The following RGS6 variants were observed in gnomAD, a reference collection of about 807,000 sequenced individuals.
The protein encoded by RGS6 is regulator of G-protein signaling 6.
RGS6 carries 30 observed loss-of-function variants against 78.5 expected under a neutral mutation model. The observed-to-expected ratio is 0.38, with a 90% CI of 0.29 to 0.52. RGS6 has a LOEUF of 0.52. RGS6 is among the 20% of genes least tolerant of loss of function. The probability of loss-of-function intolerance (pLI) is 0.85; values close to 1 mark genes in which losing one functional copy is unlikely to be tolerated. For missense variants in RGS6, 495 were observed against 609.7 expected (o/e 0.81, Z 1.98); for synonymous variants, 206 against 206.0 (o/e 1.00, Z 0.00).
At chr14:72,431,446 A>G (rs2094630787) in intron 3 of RGS6, among the ~76,000 whole-genome samples, 1 of 152,060 alleles carries the variant, frequency 6.6e-6, no homozygotes, top group South Asian at 2.1e-4. Flanking sequence ...TCTGCCTCCT[A>G]TATTCAAGTG....
intron 2 of RGS6, among the ~76,000 whole-genome samples, chr14:72,012,555 G>C (rs556740463): frequency 1.3e-5 from 2 of 152,176 alleles, no homozygotes; most frequent in Non-Finnish European, 2.9e-5. Context: ...CCACTTCTCT[G>C]CTTGCTGTTA....
chr14:72,550,705 TGGTTTTACACCTGATGGA>T lies in RGS6; in HGVS notation c.1422+10635_1422+10652del, dbSNP rs527809835. The T allele has an allele frequency of 1.1e-3, 1,553 of 1,403,808 alleles. 1 individual carries two copies. The highest frequency in any genetic ancestry group is 1.9e-3 in the African/African-American group (135 of 69,744). 87.0% of individuals were successfully genotyped at this position (1,403,808 alleles called of 1,614,324 possible). A position where few individuals can be genotyped will look rare whatever the true frequency, so the allele number is the denominator to read the frequency against. The stretch of plus-strand genomic sequence containing the variant: ...GCCTTTGTGAGTCATCACAATCCGG[TGGTTTTACACCTGATGGA>T]GGTTTTACACCTGATGGAGGTTTCC... On this transcript the variant is annotated intron_variant, in intron 17 of 17. Coordinates refer to ENST00000553525, the MANE Select transcript of RGS6 (RefSeq NM_001204424.2).
the RGS6 span, among the ~76,000 whole-genome samples, chr14:71,872,153 C>A: frequency 1.4e-4 from 22 of 152,136 alleles, no homozygotes; most frequent in African/African-American, 5.1e-4. Context: ...CACAATACCA[C>A]CCCAACTCCT....
intron 3 of RGS6, among the ~76,000 whole-genome samples, chr14:72,376,657 G>A (rs930913069): frequency 2.4e-4 from 36 of 151,946 alleles, no homozygotes; most frequent in South Asian, 2.1e-4. Context: ...TGTAGGCCAG[G>A]AAAGAATAGA....
At chr14:72,385,531 G>A (rs990246794) in intron 3 of RGS6, among the ~76,000 whole-genome samples, 1 of 152,194 alleles carries the variant, frequency 6.6e-6, no homozygotes, top group African/African-American at 2.4e-5. Flanking sequence ...TGGTGAATCA[G>A]TTCTGAATGC....
downstream of RGS6, among the ~76,000 whole-genome samples, chr14:72,570,763 C>T (rs138186101): frequency 2.1e-4 from 32 of 152,308 alleles, no homozygotes; most frequent in African/African-American, 7.2e-4. Flanking sequence ...ACCCAGGGGT[C>T]CCCTCAGCGA....
intron 2 of RGS6, among the ~76,000 whole-genome samples, chr14:72,293,679 T>C (rs2064098471): frequency 6.6e-6 from 1 of 152,190 alleles, no homozygotes; most frequent in Admixed American, 6.5e-5. Flanking sequence ...GCTCCAATAG[T>C]TGGTGCTATA....
chr14:72,526,358 G>C (rs1368380356), intron 15 of RGS6, among the ~76,000 whole-genome samples: 1 of 152,076 alleles, frequency 6.6e-6, no homozygotes. Context: ...GCCCGCCTTG[G>C]CCTCCCAGAG....
At chr14:71,880,324 G>T in the RGS6 span, among the ~76,000 whole-genome samples, 1 of 152,248 alleles carries the variant, frequency 6.6e-6, no homozygotes, top group Non-Finnish European at 1.5e-5. Context: ...AGAAATTCAA[G>T]CCAGCTGCAG....
At chr14:72,261,315 GGAGGA>G (rs1228733663) in intron 2 of RGS6, among the ~76,000 whole-genome samples, 1 of 152,150 alleles carries the variant, frequency 6.6e-6, no homozygotes, top group African/African-American at 2.4e-5. Flanking sequence ...ACAGAGTGAT[GGAGGA>G]GAGAATGAAA....
At chr14:72,597,930 G>A in the RGS6 span, among the ~76,000 whole-genome samples, 1 of 152,136 alleles carries the variant, frequency 6.6e-6, no homozygotes, top group Non-Finnish European at 1.5e-5. Context: ...CTCCCCTCCT[G>A]AACCCACCCC....
rs1006721084 is a variant in RGS6 at position 72,470,094 on chromosome 14, T to C, written c.536+11T>C. On this transcript the variant is annotated intron_variant, in intron 8 of 17. Coordinates refer to ENST00000553525, the MANE Select transcript of RGS6 (RefSeq NM_001204424.2). ...AGAAGCACAAGTAAAGTAGGTGAAC[T>C]TGATAGAGACCTTTTCAGAGAGGAA... is the stretch of plus-strand genomic sequence containing the variant. 9.4e-6 allele frequency: 15 copies of C among 1,597,042 alleles called. No homozygotes were observed. In the African/African-American group the frequency reaches 1.6e-4, roughly 17 times the overall value.
At chr14:72,474,530 AAAAGAT>A in intron 9 of RGS6, 89 bp from the exon 10 acceptor site, 1 of 1,165,400 alleles carries the variant, frequency 8.6e-7, no homozygotes, top group South Asian at 1.4e-5. Flanking sequence ...CTGTAATGGA[AAAAGAT>A]AAAGATTGGT....
intron 2 of RGS6, among the ~76,000 whole-genome samples, chr14:72,241,018 A>G (rs942264401): frequency 2.0e-5 from 3 of 152,002 alleles, no homozygotes; most frequent in Non-Finnish European, 4.4e-5. Flanking sequence ...TTAGCTGGGC[A>G]TGGTGGCATG....
At chr14:72,246,117 G>C (rs955385034) in intron 2 of RGS6, among the ~76,000 whole-genome samples, 1 of 152,156 alleles carries the variant, frequency 6.6e-6, no homozygotes, top group African/African-American at 2.4e-5. Flanking sequence ...TTCCTCCCCA[G>C]AAAATCCTTT....
the RGS6 span, among the ~76,000 whole-genome samples, chr14:72,625,834 T>A: frequency 2.6e-5 from 4 of 152,192 alleles, no homozygotes; most frequent in Non-Finnish European, 4.4e-5. Context: ...CCCCCTTTAT[T>A]TGGTTATTCT....
At chr14:72,568,965 G>T (rs1338892462), downstream of RGS6, among the ~76,000 whole-genome samples, 1 of 152,210 alleles carries the variant, frequency 6.6e-6, no homozygotes, top group Non-Finnish European at 1.5e-5. Context: ...CTCTGGGTTA[G>T]GAAGGGGTAG....
the RGS6 span, among the ~76,000 whole-genome samples, chr14:71,908,590 T>C: frequency 3.3e-5 from 5 of 152,224 alleles, no homozygotes; most frequent in East Asian, 9.6e-4. Flanking sequence ...TCTGATTTAT[T>C]ACTATTACTG....
chr14:72,426,670 C>T (rs941099133), intron 3 of RGS6, among the ~76,000 whole-genome samples: 5 of 152,238 alleles, frequency 3.3e-5, no homozygotes, highest in Non-Finnish European at 7.3e-5. Context: ...TTCTTAACTT[C>T]CTTAACAGTT....
Sources: gnomAD v4.1 joint callset for allele counts (sites outside exome capture counted in the v4.1 genomes callset) on GRCh38, gnomAD v4.1.1 for gene constraint, MANE v1.5 for transcripts, NCBI Gene and HGNC (gene_info 2026-07-23, HGNC 2026-07-21) for gene names.